SCD5: variants seen among roughly 807,000 people sequenced by gnomAD.
SCD5 encodes stearoyl-CoA desaturase 5.
In SCD5, 20 loss-of-function variants were observed where a neutral mutation model predicts 30.4. The observed-to-expected ratio is 0.66, with a 90% CI of 0.46 to 0.96. The LOEUF (loss-of-function observed/expected upper bound fraction) is 0.96. Among genes scored for constraint, SCD5 ranks in the 40% least tolerant of loss-of-function variants. The probability of loss-of-function intolerance (pLI) is 0.00; values close to 1 mark genes in which losing one functional copy is unlikely to be tolerated. For missense variants in SCD5, 381 were observed against 443.3 expected (o/e 0.86, Z 1.26); for synonymous variants, 173 against 176.4 (o/e 0.98, Z 0.16).
At chr4:82,760,240 C>T (rs1207802757) in intron 1 of SCD5, among the ~76,000 whole-genome samples, 1 of 152,164 alleles carries the variant, frequency 6.6e-6, no homozygotes, top group African/African-American at 2.4e-5. Context: ...GTCCTGACAA[C>T]CTGAGCCCCT....
At chr4:82,731,179 C>T (rs112899156) in intron 1 of SCD5, among the ~76,000 whole-genome samples, 4,615 of 152,292 alleles carry the variant, frequency 0.03, 112 homozygotes, top group Non-Finnish European at 0.045. Flanking sequence ...GAGGATACAG[C>T]AGAACTCTCC....
At chr4:82,669,326 T>C (rs983457036) in intron 3 of SCD5, among the ~76,000 whole-genome samples, 1 of 143,698 alleles carries the variant, frequency 7.0e-6, no homozygotes, top group Non-Finnish European at 1.5e-5. Context: ...AAAAGGAAAG[T>C]ATCAATTTCC....
intron 3 of SCD5, among the ~76,000 whole-genome samples, chr4:82,670,198 A>G (rs1728279260): frequency 6.6e-6 from 1 of 152,224 alleles, no homozygotes; most frequent in South Asian, 2.1e-4. Flanking sequence ...TATAGCAAGG[A>G]CCTTGGAATT....
At chr4:82,751,234 C>A (rs1168193123) in intron 1 of SCD5, among the ~76,000 whole-genome samples, 1 of 152,250 alleles carries the variant, frequency 6.6e-6, no homozygotes. Flanking sequence ...CTCACTCTGT[C>A]GCTCAGGCTG....
chr4:82,745,152 T>G (rs1720954104), intron 1 of SCD5, among the ~76,000 whole-genome samples: 1 of 152,196 alleles, frequency 6.6e-6, no homozygotes, highest in Non-Finnish European at 1.5e-5. Context: ...AGGGTGGACC[T>G]TGACAAAAAT....
intron 2 of SCD5, 151 bp downstream of exon 2, chr4:82,705,132 A>C: frequency 1.3e-5 from 12 of 945,612 alleles, no homozygotes; most frequent in Middle Eastern, 3.3e-4. Context: ...AAAGCTACAA[A>C]GAGATAAAAA....
intron 3 of SCD5, among the ~76,000 whole-genome samples, chr4:82,640,025 C>A (rs946827692): frequency 1.3e-5 from 2 of 152,156 alleles, no homozygotes; most frequent in South Asian, 4.2e-4. Flanking sequence ...GTCATGAAGG[C>A]CCCAGGCACA....
chr4:82,643,618 C>A (rs1229241138), intron 3 of SCD5, among the ~76,000 whole-genome samples: 1 of 152,106 alleles, frequency 6.6e-6, no homozygotes, highest in African/African-American at 2.4e-5. Context: ...GGAATGATGA[C>A]AAAGTTTTCT....
chr4:82,741,777 G>T (rs1321461403), intron 1 of SCD5, among the ~76,000 whole-genome samples: 1 of 138,926 alleles, frequency 7.2e-6, no homozygotes, highest in Non-Finnish European at 1.5e-5. Context: ...ATTCACAAAG[G>T]AAATTATTGA....
At chr4:82,796,225 G>T (rs555439808) in intron 1 of SCD5, among the ~76,000 whole-genome samples, 1 of 149,988 alleles carries the variant, frequency 6.7e-6, no homozygotes, top group Non-Finnish European at 1.5e-5. Flanking sequence ...AGCCGAGATC[G>T]CACCACTGCA....
At chr4:82,675,118 T>C (rs569605366) in intron 3 of SCD5, among the ~76,000 whole-genome samples, 1 of 152,278 alleles carries the variant, frequency 6.6e-6, no homozygotes, top group East Asian at 1.9e-4. Flanking sequence ...ATGGAAACTA[T>C]GGACTTTGGG....
At chr4:82,751,210 T>C (rs534127503) in intron 1 of SCD5, among the ~76,000 whole-genome samples, 1 of 152,268 alleles carries the variant, frequency 6.6e-6, no homozygotes, top group South Asian at 2.1e-4. Context: ...TAACTTGTAT[T>C]TTAGAGACAG....
chr4:82,644,947 A>G (rs1369025568), intron 3 of SCD5, among the ~76,000 whole-genome samples: 1 of 152,196 alleles, frequency 6.6e-6, no homozygotes, highest in Non-Finnish European at 1.5e-5. Context: ...TTGGAATGTG[A>G]GTGACTTCCT....
intron 1 of SCD5, among the ~76,000 whole-genome samples, chr4:82,765,508 T>C (rs1721467512): frequency 2.0e-5 from 3 of 152,258 alleles, no homozygotes; most frequent in African/African-American, 7.2e-5. Context: ...TTCTGCCATA[T>C]ACTTTAAATC....
intron 1 of SCD5, among the ~76,000 whole-genome samples, chr4:82,758,187 G>A (rs755709871): frequency 2.0e-5 from 3 of 152,224 alleles, no homozygotes; most frequent in South Asian, 2.1e-4. Flanking sequence ...AACCAGTGGG[G>A]TGCAGTGTCT....
chr4:82,798,091 G>C (rs536079913), intron 1 of SCD5, among the ~76,000 whole-genome samples: 45 of 151,746 alleles, frequency 3.0e-4, no homozygotes, highest in African/African-American at 9.7e-4. Flanking sequence ...GGGGGCGGGG[G>C]GGGGGCGGAA....
At chr4:82,743,900 G>A (rs1012312016) in intron 1 of SCD5, among the ~76,000 whole-genome samples, 17 of 150,252 alleles carry the variant, frequency 1.1e-4, no homozygotes, top group African/African-American at 4.2e-4. Context: ...GCACAATCTC[G>A]GCTCACTGCA....
At chr4:82,667,284 A>ACACACACACG (rs796646593) in intron 3 of SCD5, among the ~76,000 whole-genome samples, 1 of 150,490 alleles carries the variant, frequency 6.6e-6, no homozygotes, top group Non-Finnish European at 1.5e-5. Context: ...ACACACACAC[A>ACACACACACG]CACGCACGCA....
intron 3 of SCD5, among the ~76,000 whole-genome samples, chr4:82,670,574 T>C: frequency 6.6e-6 from 1 of 151,650 alleles, no homozygotes; most frequent in East Asian, 1.9e-4. Flanking sequence ...GTAACAAATA[T>C]GGTAAATATC....
Sources: allele counts gnomAD v4.1 joint callset (sites outside exome capture counted in the v4.1 genomes callset), GRCh38; gene constraint gnomAD v4.1.1; transcripts MANE v1.5; gene names NCBI Gene and HGNC (gene_info 2026-07-23, HGNC 2026-07-21).